MOCS2: variants seen among roughly 807,000 people sequenced by gnomAD.
MOCS2 encodes the protein molybdenum cofactor synthesis 2.
In MOCS2, 13 loss-of-function variants were observed where a neutral mutation model predicts 21.9. The ratio of observed to expected loss-of-function variants is 0.59; its 90% CI spans 0.39 to 0.94. The LOEUF is 0.94. Among genes scored for constraint, MOCS2 ranks in the 40% least tolerant of loss-of-function variants. The pLI is 0.00. For synonymous variants in MOCS2, 92 were observed against 80.8 expected (o/e 1.14, Z -0.74); for missense variants, 227 against 218.3 (o/e 1.04, Z -0.25).
Position 53,101,529 on chromosome 5 carries a change from G to GA in MOCS2, c.227-21dup, listed in dbSNP as rs757193465. 1.3e-6 allele frequency: 2 copies of GA among 1,531,058 alleles called. No homozygotes were observed. The highest frequency in any genetic ancestry group is 3.4e-5 in the Admixed American group (2 of 58,058). 94.8% of individuals were successfully genotyped at this position (1,531,058 alleles called of 1,614,324 possible). A position where few individuals can be genotyped will look rare whatever the true frequency, so the allele number is the denominator to read the frequency against. ...TAGTCCCTTTAAAAATGAAAAAAAA[G>GA]AAAAAGAAAACAATTAAAATAAGGT... On this transcript the variant is annotated intron_variant, in intron 4 of 6. Coordinates refer to ENST00000396954, the MANE Select transcript of MOCS2 (RefSeq NM_004531.5).
At position 53,102,152 on chromosome 5, in the gene MOCS2, A is replaced by G. The variant is rs1417609383; in HGVS notation, c.171T>C (p.Asp57=). 2 of 1,613,636 alleles carry G rather than the reference A, an allele frequency of 1.2e-6. No individual in the cohort carries two copies. Among genetic ancestry groups the G allele is most frequent in the East Asian group, 2.2e-5 (1 of 44,854 alleles). Residue 57 remains aspartate, a synonymous_variant, in exon 4 of 7, where the codon GAT becomes GAC. Transcript: ENST00000396954. ...INFTAEKLSV[D]EVSQLVISPL... is the part of the protein sequence containing the mutation. ...GAGAAATCACCAACTGTGAGACTTC[A>G]TCTACTGAAAGTTTCTCGGCAGTAA...
rs1160583847 is a variant in MOCS2 at position 53,102,885 on chromosome 5, T to G, written c.99-661A>C. On this transcript the variant is annotated intron_variant, in intron 3 of 6. Transcript: ENST00000396954. The stretch of plus-strand genomic sequence containing the variant: ...ATTGCTTGAGCTTGGGAGGTGGAGG[T>G]TGCAGTGAGCTGAAACTGATCATGC... Among the ~76,000 whole-genome samples the G allele has an allele frequency of 4.6e-5, 7 of 151,108 alleles. 1 individual carries two copies. The highest frequency in any genetic ancestry group is 1.0e-4 in the Non-Finnish European group (7 of 67,820).
intron 2 of MOCS2, chr5:53,107,469 C>CA (rs1284815541): frequency 3.2e-5 from 15 of 464,766 alleles, no homozygotes; most frequent in African/African-American, 7.9e-5. Context: ...AATTAAACAA[C>CA]AAAAAAATGC....
intron 1 of MOCS2, among the ~76,000 whole-genome samples, 169 bp downstream of exon 1, chr5:53,109,082 G>C (rs1344725387): frequency 6.6e-6 from 1 of 152,144 alleles, no homozygotes. Flanking sequence ...CTTAGATTCC[G>C]GTCTGTATAA....
Position 53,100,852 on chromosome 5 carries a change from T to C in MOCS2, c.378-318A>G, listed in dbSNP as rs573166119. 28 of 371,264 alleles carry C rather than the reference T, an allele frequency of 7.5e-5. No individual in the cohort carries two copies. In the Admixed American group the frequency reaches 1.2e-3, roughly 16 times the overall value. The allele number at this position is 371,264 out of a possible 1,614,324, so 23.0% of individuals were successfully genotyped here. On this transcript the variant is annotated intron_variant, in intron 5 of 6. Transcript: ENST00000396954. The stretch of plus-strand genomic sequence containing the variant: ...CACAGTGCCAAGTAATGCCTAGAAA[T>C]ACAAAGTTATGTCCTAACGAGTATA...
Position 53,107,128 on chromosome 5 carries a change from T to A in MOCS2, c.47A>T (p.Lys16Ile). 1 of 1,614,142 alleles carries A rather than the reference T, an allele frequency of 6.2e-7. No individual in the cohort carries two copies. The highest frequency in any genetic ancestry group is 2.2e-5 in the East Asian group (1 of 44,868). ...CACTAATGGGGGGGATAACGGCAAT[T>A]TCGTCTCCAGGCTGAAGCACGAGGA... ...ISSSCFSLETKLPLSPPLVED... is the reference protein window; with the variant it reads ...ISSSCFSLETILPLSPPLVED... Residue 16 changes from lysine (K) to isoleucine (I), a missense_variant, in exon 3 of 7, where the codon AAA becomes ATA. Transcript: ENST00000396954.
rs564536296 is a variant in MOCS2, at chr5:53,107,170, G to C, written c.5C>G (p.Ser2Trp). 1.2e-6 allele frequency: 2 copies of C among 1,613,888 alleles called. No individual in the cohort carries two copies. The highest frequency in any genetic ancestry group is 1.3e-5 in the African/African-American group (1 of 74,882). M[S>W]SLEISSSCFS... is the part of the protein sequence containing the mutation. ...GCACGAGGAGCTGATCTCCAAGCTC[G>C]ACATATTCTTGACGAACAGCAAATA... Residue 2 changes from serine (S) to tryptophan (W), a missense_variant, in exon 3 of 7, where the codon TCG becomes TGG. Physicochemically the swap from Ser to Trp is radical, Grantham distance 177. Transcript: ENST00000396954.
chr5:53,107,310 A>T, intron 2 of MOCS2, 89 bp from the exon 3 acceptor site: 6 of 1,241,658 alleles, frequency 4.8e-6, no homozygotes, highest in Non-Finnish European at 6.8e-6. Context: ...ACATAGATAT[A>T]ATTATATAAA....
In MOCS2 at chr5:53,097,312, T is replaced by C. The variant is rs1380339424; in HGVS notation, c.*1290A>G. The C allele has an allele frequency of 2.6e-5, 4 of 152,182 alleles. No individual in the cohort carries two copies. The East Asian group carries it at 7.7e-4, about 29-fold the overall frequency. 9.4% of individuals were successfully genotyped at this position (152,182 alleles called of 1,614,324 possible). A position where few individuals can be genotyped will look rare whatever the true frequency, so the allele number is the denominator to read the frequency against. ...AGAGTGTTCCTCAAGGTATTTTAGG[T>C]TGGCAGAAAAAGATCACTGGGTGGG... is the stretch of plus-strand genomic sequence containing the variant. On this transcript the variant is annotated 3_prime_UTR_variant, in exon 7 of 7. Coordinates refer to ENST00000396954, the MANE Select transcript of MOCS2 (RefSeq NM_004531.5).
At chr5:53,100,973 G>C (rs1303147941) in intron 5 of MOCS2, 2 of 322,064 alleles carry the variant, frequency 6.2e-6, no homozygotes, top group African/African-American at 4.3e-5. Flanking sequence ...AACTAACAGA[G>C]TATGATAGAT....
chr5:53,104,562 T>C (rs1387349247), intron 3 of MOCS2, among the ~76,000 whole-genome samples: 3 of 152,166 alleles, frequency 2.0e-5, no homozygotes, highest in African/African-American at 7.2e-5. Context: ...GACCACAGTT[T>C]CTAAATAGCA....
chr5:53,104,049 C>T (rs74550199), intron 3 of MOCS2, among the ~76,000 whole-genome samples: 21,277 of 152,106 alleles, frequency 0.14, 1,574 homozygotes, highest in Middle Eastern at 0.2. Flanking sequence ...AATTGAAAGA[C>T]GAGAGAAAGA....
At chr5:53,105,517 G>A (rs1741027415) in intron 3 of MOCS2, among the ~76,000 whole-genome samples, 1 of 152,184 alleles carries the variant, frequency 6.6e-6, no homozygotes, top group South Asian at 2.1e-4. Context: ...TAACTGGCTA[G>A]CCATGTGCAG....
At chr5:53,107,974 G>C (rs1741096655) in intron 2 of MOCS2, 1 of 153,326 alleles carries the variant, frequency 6.5e-6, no homozygotes, top group South Asian at 2.0e-4. Flanking sequence ...TAATATTCCT[G>C]AATCACCCTC....
intron 5 of MOCS2, 34 bp from the exon 6 acceptor site, chr5:53,100,568 T>A (rs375380532): frequency 1.9e-6 from 3 of 1,610,714 alleles, no homozygotes; most frequent in African/African-American, 2.7e-5. Flanking sequence ...AAAATCACCA[T>A]CATCTCTGAA....
rs1324439051 is a variant in MOCS2 at position 53,098,300 on chromosome 5, A to C, written c.*302T>G. 1.5e-5 allele frequency: 6 copies of C among 391,904 alleles called. No individual in the cohort carries two copies. Among genetic ancestry groups the C allele is most frequent in the Non-Finnish European group, 2.8e-5 (6 of 212,016 alleles). 24.3% of individuals were successfully genotyped at this position (391,904 alleles called of 1,614,324 possible). Reference sequence around the variant, plus strand: ...AGTCACTGAGGAGGGCCCATACCTCAATGTGTGTTGAGTTACAATTAGAAA... The same window carrying C: ...AGTCACTGAGGAGGGCCCATACCTCCATGTGTGTTGAGTTACAATTAGAAA... On this transcript the variant is annotated 3_prime_UTR_variant, in exon 7 of 7. Transcript: ENST00000396954.
chr5:53,099,694 C>T (rs1561172749), intron 6 of MOCS2, among the ~76,000 whole-genome samples: 1 of 152,154 alleles, frequency 6.6e-6, no homozygotes, highest in Non-Finnish European at 1.5e-5. Context: ...CTTTAAAAGC[C>T]CTGGCTCTCT....
chr5:53,101,601 T>A (rs1356151334), intron 4 of MOCS2, 92 bp from the exon 5 acceptor site: 2 of 948,008 alleles, frequency 2.1e-6, no homozygotes, highest in Non-Finnish European at 3.2e-6. Context: ...GGAATATTTT[T>A]AATAGTAAAT....
chr5:53,104,938 T>C (rs1741009710), intron 3 of MOCS2, among the ~76,000 whole-genome samples: 1 of 152,206 alleles, frequency 6.6e-6, no homozygotes, highest in Non-Finnish European at 1.5e-5. Context: ...TTAAGCCTCA[T>C]TCTGTCTGTA....
Sources: gnomAD v4.1 joint callset for allele counts (sites outside exome capture counted in the v4.1 genomes callset) on GRCh38, gnomAD v4.1.1 for gene constraint, MANE v1.5 for transcripts, NCBI Gene and HGNC (gene_info 2026-07-23, HGNC 2026-07-21) for gene names.